Variants in GCC2 observed in about 807,000 individuals in gnomAD.
GCC2 encodes the protein GRIP and coiled-coil domain containing 2.
Under a neutral mutation model 210.6 loss-of-function variants are expected in GCC2, and 120 were observed. That is an observed-to-expected ratio of 0.57 (90% CI 0.49 to 0.66). The LOEUF (loss-of-function observed/expected upper bound fraction) is 0.66. GCC2 is among the 30% of genes least tolerant of loss of function. The pLI, the probability that GCC2 is intolerant of heterozygous loss-of-function variation, is 0.00. For missense variants in GCC2, 1,868 were observed against 1,871.9 expected (o/e 1.00, Z 0.04); for synonymous variants, 703 against 652.7 (o/e 1.08, Z -1.17).
rs776365638 is a variant in GCC2 at position 108,487,714 on chromosome 2, G to C, written c.3946G>C (p.Val1316Leu). 8.7e-6 allele frequency: 14 copies of C among 1,613,238 alleles called. No homozygotes were observed. In the East Asian group the frequency reaches 2.7e-4, roughly 31 times the overall value. ...AATGTTATAGGCAGAACAAGCTACT[G>C]TAACCTCTGAATTCGAGAGCTACAA... ...CRAAKAEQAT[V>L]TSEFESYKVR... Residue 1316 changes from valine to leucine, a missense_variant, in exon 17 of 23, where the codon GTA (valine) becomes CTA (leucine). Physicochemically the swap from Val to Leu is conservative, Grantham distance 32. Around this residue, in one of 3 missense-constraint regions of GCC2, gnomAD observed 1,847 missense variants for 1,765.2 expected, o/e 1.05. Transcript: ENST00000309863.
intron 22 of GCC2, among the ~76,000 whole-genome samples, chr2:108,506,534 A>G (rs1404479250): frequency 6.6e-6 from 1 of 152,198 alleles, no homozygotes; most frequent in Non-Finnish European, 1.5e-5. Flanking sequence ...GTAACTGTGC[A>G]TTTGTCAAGA....
At chr2:108,455,265 C>T (rs892934643) in intron 4 of GCC2, among the ~76,000 whole-genome samples, 11 of 152,090 alleles carry the variant, frequency 7.2e-5, no homozygotes, top group Non-Finnish European at 7.4e-5. Flanking sequence ...CTTGGTGAAA[C>T]CCCATCTCTA....
intron 4 of GCC2, among the ~76,000 whole-genome samples, chr2:108,467,511 C>T (rs1468977211): frequency 2.6e-5 from 4 of 152,022 alleles, no homozygotes; most frequent in Non-Finnish European, 1.5e-5. Context: ...GACAGAGCCT[C>T]GCCTGTTACC....
At position 108,471,351 on chromosome 2, in the gene GCC2, A is replaced by G. The variant is rs749502433; in HGVS notation, c.2022A>G (p.Lys674=). The change falls in exon 6 of 23, where the codon AAA becomes AAG. Residue 674 remains lysine (K), a synonymous_variant. Transcript: ENST00000309863. ...QKLEKLMVQM[K]VLSEDKEVLS... The stretch of plus-strand genomic sequence containing the variant: ...TAGAAAAACTTATGGTTCAAATGAA[A>G]GTTCTCTCTGAAGACAAAGAAGTAT... 6.2e-7 allele frequency: 1 copy of G among 1,611,166 alleles called. No individual in the cohort carries two copies. Among genetic ancestry groups the G allele is most frequent in the South Asian group, 1.1e-5 (1 of 90,278 alleles).
intron 21 of GCC2, among the ~76,000 whole-genome samples, chr2:108,497,624 C>G (rs1682709661): frequency 6.6e-6 from 1 of 152,112 alleles, no homozygotes; most frequent in African/African-American, 2.4e-5. Flanking sequence ...TACTGAACTA[C>G]TAAACAGTTT....
intron 2 of GCC2, 137 bp from the exon 3 acceptor site, chr2:108,450,891 A>G: frequency 1.6e-6 from 1 of 630,288 alleles, no homozygotes; most frequent in South Asian, 2.0e-5. Flanking sequence ...CAAAAAAAAA[A>G]TGTGGAACAA....
At chr2:108,506,023 A>G (rs1683166592) in intron 22 of GCC2, among the ~76,000 whole-genome samples, 1 of 152,166 alleles carries the variant, frequency 6.6e-6, no homozygotes. Flanking sequence ...TTAAATCTTT[A>G]TCCAAGAGGA....
intron 17 of GCC2, among the ~76,000 whole-genome samples, chr2:108,488,652 T>C (rs1276540631): frequency 6.6e-6 from 1 of 152,178 alleles, no homozygotes; most frequent in Admixed American, 6.5e-5. Context: ...GGTATATTGT[T>C]TATGCTGCTT....
At chr2:108,481,268 T>G (rs1681837029) in intron 9 of GCC2, among the ~76,000 whole-genome samples, 1 of 152,220 alleles carries the variant, frequency 6.6e-6, no homozygotes, top group African/African-American at 2.4e-5. Flanking sequence ...GCACCTTTAC[T>G]TTATATTAGG....
intron 4 of GCC2, among the ~76,000 whole-genome samples, chr2:108,463,831 CTG>C (rs1425601638): frequency 6.6e-5 from 10 of 152,272 alleles, no homozygotes; most frequent in Admixed American, 5.9e-4. Context: ...TTGGCAGTGA[CTG>C]TGATTTGTTG....
At chr2:108,468,647 C>G (rs747063146) in intron 4 of GCC2, among the ~76,000 whole-genome samples, 1 of 152,192 alleles carries the variant, frequency 6.6e-6, no homozygotes, top group East Asian at 1.9e-4. Context: ...TGACACCTCC[C>G]TCAACAATAT....
rs920522699 is a variant in GCC2 at position 108,471,101 on chromosome 2, C to A, written c.1772C>A (p.Ser591Tyr). ...MLKELEGKIN[S>Y]LTEEKDDFIN... ...AAAGAATTAGAAGGAAAGATAAATT[C>A]TCTTACTGAGGAAAAAGATGATTTT... The change falls in exon 6 of 23, where the codon TCT becomes TAT. Residue 591 changes from serine to tyrosine, a missense_variant. Transcript: ENST00000309863. 17 of 1,583,838 alleles carry A rather than the reference C, an allele frequency of 1.1e-5. No individual in the cohort carries two copies. The highest frequency in any genetic ancestry group is 1.7e-5 in the Admixed American group (1 of 58,740).
Position 108,509,138 on chromosome 2 carries a change from T to G in GCC2, c.*1508T>G, listed in dbSNP as rs1683358800. The stretch of plus-strand genomic sequence containing the variant: ...AGTTTAGTTTTTTTACTTTATAAAC[T>G]GTGAATATGAGTATGCCAGCTGCAT... On this transcript the variant is annotated 3_prime_UTR_variant, in exon 23 of 23. Coordinates refer to ENST00000309863, the MANE Select transcript of GCC2 (RefSeq NM_181453.4). 1.3e-5 allele frequency: 2 copies of G among 152,670 alleles called. No individual in the cohort carries two copies. The highest frequency in any genetic ancestry group is 2.4e-5 in the African/African-American group (1 of 41,466). 9.5% of individuals were successfully genotyped at this position (152,670 alleles called of 1,614,324 possible). A position where few individuals can be genotyped will look rare whatever the true frequency, so the allele number is the denominator to read the frequency against.
chr2:108,457,092 C>T (rs1680314306), intron 4 of GCC2, among the ~76,000 whole-genome samples: 1 of 151,536 alleles, frequency 6.6e-6, no homozygotes, highest in Admixed American at 6.6e-5. Context: ...GTGTTTTCTT[C>T]TTTTAGTTTT....
intron 5 of GCC2, 197 bp from the exon 6 acceptor site, chr2:108,469,454 T>A: frequency 2.0e-6 from 1 of 503,396 alleles, no homozygotes; most frequent in Non-Finnish European, 3.5e-6. Flanking sequence ...AGATTTAATA[T>A]TGTAGATATA....
At chr2:108,459,844 C>T (rs1359561104) in intron 4 of GCC2, among the ~76,000 whole-genome samples, 1 of 134,426 alleles carries the variant, frequency 7.4e-6, no homozygotes, top group Non-Finnish European at 1.5e-5. Flanking sequence ...GCAGAAGAAT[C>T]GCTTGAACCT....
intron 10 of GCC2, among the ~76,000 whole-genome samples, chr2:108,482,066 C>G (rs987534823): frequency 2.6e-5 from 4 of 152,112 alleles, no homozygotes; most frequent in African/African-American, 9.7e-5. Flanking sequence ...CGTTTCTGCT[C>G]TTTGCTCTGC....
chr2:108,453,379 A>C (rs1019700681), intron 4 of GCC2, among the ~76,000 whole-genome samples: 5 of 152,234 alleles, frequency 3.3e-5, no homozygotes, highest in Non-Finnish European at 5.9e-5. Flanking sequence ...TATGTTAAAC[A>C]CATCAAATAC....
chr2:108,453,151 G>A (rs1481421394), intron 4 of GCC2, among the ~76,000 whole-genome samples: 1 of 152,186 alleles, frequency 6.6e-6, no homozygotes, highest in Non-Finnish European at 1.5e-5. Flanking sequence ...TCTCACAGTT[G>A]TGTTTCCCTC....
Sources: allele counts gnomAD v4.1 joint callset (sites outside exome capture counted in the v4.1 genomes callset), GRCh38; gene constraint gnomAD v4.1.1; regional missense constraint gnomAD v4.1.1; transcripts MANE v1.5; gene names NCBI Gene and HGNC (gene_info 2026-07-23, HGNC 2026-07-21).